Variants in POU6F2 observed in about 807,000 individuals in gnomAD.
The protein encoded by POU6F2 is POU class 6 homeobox 2.
In POU6F2, 31 loss-of-function variants were observed where a neutral mutation model predicts 71.3. The ratio of observed to expected loss-of-function variants is 0.43; its 90% CI spans 0.33 to 0.59. The LOEUF (loss-of-function observed/expected upper bound fraction) is 0.59, where lower values mean the gene tolerates loss of function less well. POU6F2 is among the 20% of genes least tolerant of loss of function. The probability of loss-of-function intolerance (pLI) is 0.04; values close to 1 mark genes in which losing one functional copy is unlikely to be tolerated. For synonymous variants in POU6F2, 347 were observed against 355.7 expected, an observed-to-expected ratio of 0.98 and a Z score of 0.27; for missense variants, 783 against 856.8, an observed-to-expected ratio of 0.91 and a Z score of 1.07.
In POU6F2 at chr7:39,219,238, A is replaced by T. The variant is rs529254010; in HGVS notation, c.598+11618A>T. On this transcript the variant is annotated intron_variant, in intron 4 of 9. Coordinates refer to ENST00000518318, the MANE Select transcript of POU6F2 (RefSeq NM_001370959.1). The stretch of plus-strand genomic sequence containing the variant: ...AAAAAAGTATGTCAGTTTGCTTTTT[A>T]ATCTTCTAAGGATTTGCCAGGTTTC... 2.0e-5 allele frequency among the ~76,000 whole-genome samples: 3 copies of T among 152,340 alleles called. No individual in the cohort carries two copies. The East Asian group carries it at 5.8e-4, about 29-fold the overall frequency.
chr7:39,261,405 G>C (rs1340397776), intron 4 of POU6F2, among the ~76,000 whole-genome samples: 1 of 152,192 alleles, frequency 6.6e-6, no homozygotes, highest in Non-Finnish European at 1.5e-5. Flanking sequence ...TCATAATGTG[G>C]ATTTGTCTAG....
At chr7:39,113,692 C>A (rs2128726115) in intron 2 of POU6F2, among the ~76,000 whole-genome samples, 1 of 152,234 alleles carries the variant, frequency 6.6e-6, no homozygotes, top group Middle Eastern at 3.4e-3. Flanking sequence ...AGGGACTGGG[C>A]CTCAGAAATA....
At chr7:39,458,675 TC>T (rs959194837) in intron 8 of POU6F2, among the ~76,000 whole-genome samples, 1 of 152,010 alleles carries the variant, frequency 6.6e-6, no homozygotes, top group Non-Finnish European at 1.5e-5. Flanking sequence ...AAACAGGACT[TC>T]CATTCATCTT....
chr7:39,178,630 TGA>T (rs1793376598), intron 2 of POU6F2, among the ~76,000 whole-genome samples: 1 of 152,200 alleles, frequency 6.6e-6, no homozygotes, highest in Non-Finnish European at 1.5e-5. Flanking sequence ...TTCATAAAGT[TGA>T]GTCTTTTCAT....
intron 2 of POU6F2, among the ~76,000 whole-genome samples, chr7:39,128,498 C>T (rs1395128043): frequency 6.6e-6 from 1 of 152,082 alleles, no homozygotes; most frequent in Non-Finnish European, 1.5e-5. Context: ...AAATGGGTTA[C>T]CATAGATGCA....
At chr7:39,267,356 C>T (rs1583485613) in intron 4 of POU6F2, among the ~76,000 whole-genome samples, 1 of 152,116 alleles carries the variant, frequency 6.6e-6, no homozygotes, top group Non-Finnish European at 1.5e-5. Flanking sequence ...TATTTTCAAT[C>T]GTTCAGGAAT....
intron 1 of POU6F2, among the ~76,000 whole-genome samples, chr7:39,021,259 A>G (rs1036347467): frequency 6.6e-6 from 1 of 151,824 alleles, no homozygotes; most frequent in Non-Finnish European, 1.5e-5. Context: ...TTCCTTTGCT[A>G]TCTTTCTTTG....
At chr7:39,321,746 A>C (rs1248685751) in intron 4 of POU6F2, among the ~76,000 whole-genome samples, 1 of 152,102 alleles carries the variant, frequency 6.6e-6, no homozygotes, top group Non-Finnish European at 1.5e-5. Context: ...GTGCTTAATA[A>C]ATTTTTAGAG....
intron 2 of POU6F2, among the ~76,000 whole-genome samples, chr7:39,182,866 G>C (rs1178923117): frequency 6.6e-6 from 1 of 152,134 alleles, no homozygotes; most frequent in African/African-American, 2.4e-5. Context: ...GAGTCCGATA[G>C]GCACTTTACA....
chr7:39,260,787 T>TA (rs1373212841), intron 4 of POU6F2, among the ~76,000 whole-genome samples: 1 of 150,930 alleles, frequency 6.6e-6, no homozygotes, highest in Non-Finnish European at 1.5e-5. Context: ...ACACAACACT[T>TA]AAACACACAT....
intron 4 of POU6F2, among the ~76,000 whole-genome samples, chr7:39,255,211 G>A (rs1256836196): frequency 6.6e-6 from 1 of 152,074 alleles, no homozygotes; most frequent in Non-Finnish European, 1.5e-5. Context: ...CTAAATACAA[G>A]TGCCTTCTTA....
chr7:39,157,548 G>A (rs192056544), intron 2 of POU6F2, among the ~76,000 whole-genome samples: 2 of 152,224 alleles, frequency 1.3e-5, no homozygotes, highest in African/African-American at 4.8e-5. Context: ...TTGTGAAGTG[G>A]CATCCTTCAT....
chr7:39,385,680 T>C (rs886590623), intron 5 of POU6F2, among the ~76,000 whole-genome samples: 3 of 152,198 alleles, frequency 2.0e-5, no homozygotes, highest in African/African-American at 7.2e-5. Context: ...GATGCCGTAG[T>C]GCCCCAGGTC....
intron 7 of POU6F2, among the ~76,000 whole-genome samples, chr7:39,440,195 A>G (rs1414441791): frequency 1.3e-5 from 2 of 151,970 alleles, no homozygotes; most frequent in Admixed American, 6.6e-5. Flanking sequence ...TCTTAATGGT[A>G]TTCTCTGTAT....
chr7:39,056,320 G>A lies in POU6F2; in HGVS notation c.106-29540G>A, dbSNP rs148452967. ...CTGTCAACTCCTATTTTATCTCTGT[G>A]GTCTTACTATCTTCCATGAGCTATT... On this transcript the variant is annotated intron_variant, in intron 1 of 9. Coordinates refer to ENST00000518318, the MANE Select transcript of POU6F2 (RefSeq NM_001370959.1). 2.0e-3 allele frequency among the ~76,000 whole-genome samples: 304 copies of A among 151,666 alleles called. 1 individual carries two copies. Among genetic ancestry groups the A allele is most frequent in the African/African-American group, 7.2e-3 (298 of 41,386 alleles).
intron 1 of POU6F2, among the ~76,000 whole-genome samples, chr7:39,073,839 A>G (rs187188750): frequency 1.3e-5 from 2 of 152,360 alleles, no homozygotes; most frequent in Admixed American, 6.5e-5. Flanking sequence ...GGTGAAATCA[A>G]TTAGGCAGTG....
intron 2 of POU6F2, among the ~76,000 whole-genome samples, chr7:39,102,455 A>T (rs1324645854): frequency 6.6e-6 from 1 of 152,144 alleles, no homozygotes; most frequent in African/African-American, 2.4e-5. Flanking sequence ...TAGAGGACAG[A>T]CAATAGATCT....
Position 39,406,430 on chromosome 7 carries a change from C to G in POU6F2, c.973-170C>G, listed in dbSNP as rs549436954. On this transcript the variant is annotated intron_variant, in intron 5 of 9. Coordinates refer to ENST00000518318, the MANE Select transcript of POU6F2 (RefSeq NM_001370959.1). ...CCTTCCAGCCTCGTTTCCATCATCC[C>G]CCTACCCCAGAGCTTCCGGGGGAAT... is the stretch of plus-strand genomic sequence containing the variant. The G allele has an allele frequency of 4.8e-3, 3,331 of 695,778 alleles. 14 individuals are homozygous for G. The highest frequency in any genetic ancestry group is 6.1e-3 in the Non-Finnish European group (2,576 of 424,130). The allele number at this position is 695,778 out of a possible 1,614,324, so 43.1% of individuals were successfully genotyped here.
chr7:39,353,815 T>C (rs1244133202), intron 5 of POU6F2, among the ~76,000 whole-genome samples: 1 of 152,212 alleles, frequency 6.6e-6, no homozygotes, highest in Non-Finnish European at 1.5e-5. Context: ...CCAAGTCTTT[T>C]ACTCGGAAAT....
Sources: gnomAD v4.1 joint callset for allele counts (sites outside exome capture counted in the v4.1 genomes callset) on GRCh38, gnomAD v4.1.1 for gene constraint, MANE v1.5 for transcripts, NCBI Gene and HGNC (gene_info 2026-07-23, HGNC 2026-07-21) for gene names.